FHIT: variants seen among roughly 807,000 people sequenced by gnomAD.
The protein encoded by FHIT is fragile histidine triad diadenosine triphosphatase.
Under a neutral mutation model 17.9 loss-of-function variants are expected in FHIT, and 19 were observed. That is an observed-to-expected ratio of 1.06 (90% CI 0.74 to 1.56). The LOEUF (loss-of-function observed/expected upper bound fraction) is 1.56, where lower values mean the gene tolerates loss of function less well. Ranked by LOEUF, FHIT falls within the 40% of genes most tolerant of loss-of-function variation. FHIT has a pLI of 0.00. For synonymous variants in FHIT, 81 were observed against 69.7 expected, an observed-to-expected ratio of 1.16 and a Z score of -0.81; for missense variants, 248 against 189.2, an observed-to-expected ratio of 1.31 and a Z score of -1.82.
At chr3:60,558,456 G>T (rs994413976) in intron 4 of FHIT, among the ~76,000 whole-genome samples, 3 of 151,804 alleles carry the variant, frequency 2.0e-5, no homozygotes, top group African/African-American at 7.3e-5. Context: ...GGGAGCTCAG[G>T]AGAGTTTGAG....
At chr3:60,752,569 T>G (rs2042489349) in intron 4 of FHIT, among the ~76,000 whole-genome samples, 1 of 152,184 alleles carries the variant, frequency 6.6e-6, no homozygotes, top group African/African-American at 2.4e-5. Context: ...TTTTTTGCGT[T>G]TTATTTTGTG....
chr3:59,985,170 G>T (rs965609063), intron 7 of FHIT, among the ~76,000 whole-genome samples: 3 of 152,124 alleles, frequency 2.0e-5, no homozygotes, highest in African/African-American at 7.2e-5. Context: ...TCTGGACATG[G>T]AAAGGACTAA....
chr3:60,740,872 G>C (rs2042226204), intron 4 of FHIT, among the ~76,000 whole-genome samples: 1 of 152,200 alleles, frequency 6.6e-6, no homozygotes, highest in Admixed American at 6.5e-5. Flanking sequence ...GATGAGTTTA[G>C]TCACCATGAA....
At chr3:60,658,931 A>G (rs2040177884) in intron 4 of FHIT, among the ~76,000 whole-genome samples, 1 of 151,226 alleles carries the variant, frequency 6.6e-6, no homozygotes, top group South Asian at 2.1e-4. Flanking sequence ...TTTCTTACAG[A>G]GCATGTGTAG....
chr3:59,942,511 G>T (rs917469957), intron 7 of FHIT, among the ~76,000 whole-genome samples: 1 of 152,164 alleles, frequency 6.6e-6, no homozygotes, highest in Non-Finnish European at 1.5e-5. Flanking sequence ...CAAAGGCTTT[G>T]CATTAAACAA....
intron 2 of FHIT, among the ~76,000 whole-genome samples, chr3:61,181,077 T>A (rs1430001640): frequency 6.6e-6 from 1 of 152,158 alleles, no homozygotes; most frequent in South Asian, 2.1e-4. Flanking sequence ...GTAAACATAA[T>A]GAAGTTAAAG....
At chr3:60,560,077 G>C (rs2036883022) in intron 4 of FHIT, among the ~76,000 whole-genome samples, 1 of 151,850 alleles carries the variant, frequency 6.6e-6, no homozygotes, top group Admixed American at 6.6e-5. Context: ...GGTATGCTCT[G>C]ATGGGGAAAC....
At chr3:60,559,220 G>A (rs1168124387) in intron 4 of FHIT, among the ~76,000 whole-genome samples, 1 of 152,078 alleles carries the variant, frequency 6.6e-6, no homozygotes. Context: ...ACTGTATGGG[G>A]AATTAATATA....
intron 4 of FHIT, chr3:60,690,241 T>A: frequency 1.9e-6 from 1 of 531,490 alleles, no homozygotes; most frequent in South Asian, 1.5e-5. Context: ...CTGTCCACAG[T>A]CAGCAATAGT....
chr3:60,818,940 T>C (rs1247201640), intron 4 of FHIT, among the ~76,000 whole-genome samples: 2 of 152,230 alleles, frequency 1.3e-5, no homozygotes, highest in African/African-American at 4.8e-5. Context: ...GATCTGTGCT[T>C]CCAAGTTTTG....
At chr3:60,912,734 T>G in intron 3 of FHIT, 1 of 515,908 alleles carries the variant, frequency 1.9e-6, no homozygotes, top group South Asian at 1.4e-5. Context: ...CTTCCATTAG[T>G]TCCCCCATAT....
chr3:59,798,820 G>A (rs1166639491), intron 8 of FHIT, among the ~76,000 whole-genome samples: 4 of 152,228 alleles, frequency 2.6e-5, no homozygotes, highest in Admixed American at 6.5e-5. Flanking sequence ...AGGATGGTTC[G>A]AAAGAGATTT....
At chr3:60,010,880 AAGGAGAACAGAGAGAAGCAC>A (rs1251699657) in intron 7 of FHIT, among the ~76,000 whole-genome samples, 1 of 151,778 alleles carries the variant, frequency 6.6e-6, no homozygotes, top group African/African-American at 2.4e-5. Context: ...GGGTGACGAG[AAGGAGAACAGAGAGAAGCAC>A]AGGAGAACAG....
chr3:60,306,240 C>T (rs143572847), intron 5 of FHIT, among the ~76,000 whole-genome samples: 12 of 152,196 alleles, frequency 7.9e-5, no homozygotes, highest in African/African-American at 2.9e-4. Context: ...ACTCAGCAGA[C>T]TATGGTAAAG....
At chr3:60,022,229 T>A (rs558205011) in intron 5 of FHIT, among the ~76,000 whole-genome samples, 61 of 152,280 alleles carry the variant, frequency 4.0e-4, no homozygotes, top group Non-Finnish European at 4.9e-4. Flanking sequence ...ATTAATCACA[T>A]GGGCAAAGAA....
rs750989175 is a variant in FHIT, at chr3:59,853,970, T to C, written c.348+68376A>G. 4.6e-5 allele frequency among the ~76,000 whole-genome samples: 7 copies of C among 151,992 alleles called. No individual in the cohort carries two copies. The East Asian group carries it at 1.4e-3, about 29-fold the overall frequency. On this transcript the variant is annotated intron_variant, in intron 8 of 9. Transcript: ENST00000492590. Reference sequence around the variant, plus strand: ...AGAATCCCACCAATAGATAAAGTCATCAGGAGCTAATTAGTCCACGTGTAA... The same window carrying C: ...AGAATCCCACCAATAGATAAAGTCACCAGGAGCTAATTAGTCCACGTGTAA...
At chr3:61,170,739 T>TACC (rs2107131689) in intron 2 of FHIT, among the ~76,000 whole-genome samples, 1 of 152,334 alleles carries the variant, frequency 6.6e-6, no homozygotes, top group African/African-American at 2.4e-5. Flanking sequence ...TTTAATGGTG[T>TACC]ATATGTACCA....
intron 7 of FHIT, among the ~76,000 whole-genome samples, chr3:59,982,999 C>T (rs968635055): frequency 1.3e-5 from 2 of 151,910 alleles, no homozygotes; most frequent in African/African-American, 4.8e-5. Context: ...AGCACAATGC[C>T]ACTATCTCAG....
chr3:60,248,124 C>T (rs1280610491), intron 5 of FHIT, among the ~76,000 whole-genome samples: 1 of 152,086 alleles, frequency 6.6e-6, no homozygotes, highest in African/African-American at 2.4e-5. Flanking sequence ...GCATTTGAAG[C>T]TGCCTCGTTA....
Sources: allele counts gnomAD v4.1 joint callset (sites outside exome capture counted in the v4.1 genomes callset), GRCh38; gene constraint gnomAD v4.1.1; transcripts MANE v1.5; gene names NCBI Gene and HGNC (gene_info 2026-07-23, HGNC 2026-07-21).